The following KIF4A variants were observed in gnomAD, a reference collection of about 807,000 sequenced individuals.
The protein encoded by KIF4A is kinesin family member 4A.
In KIF4A, 7 loss-of-function variants were observed where a neutral mutation model predicts 105.9. That is an observed-to-expected ratio of 0.07 (90% CI 0.04 to 0.12). The LOEUF is 0.12. Among genes scored for constraint, KIF4A ranks in the 10% least tolerant of loss-of-function variants. The pLI is 1.00. For missense variants in KIF4A, 558 were observed against 929.2 expected (o/e 0.60, Z 5.19); for synonymous variants, 281 against 331.3 (o/e 0.85, Z 1.65).
At chrX:70,361,872 A>G (rs751984105) in intron 15 of KIF4A, among the ~76,000 whole-genome samples, 14 of 111,676 alleles carry the variant, frequency 1.3e-4, no homozygotes, top group Admixed American at 2.8e-4. Flanking sequence ...GCTAAGCTTT[A>G]CCCAATTCTG....
chrX:70,337,081 T>G (rs910211491), intron 10 of KIF4A, among the ~76,000 whole-genome samples: 3 of 112,641 alleles, frequency 2.7e-5, no homozygotes, highest in Non-Finnish European at 5.6e-5. Flanking sequence ...CACAATTTCC[T>G]TTGATTTTAA....
At chrX:70,364,423 T>G (rs1375229892) in intron 15 of KIF4A, among the ~76,000 whole-genome samples, 1 of 108,431 alleles carries the variant, frequency 9.2e-6, no homozygotes, top group Non-Finnish European at 1.9e-5. Flanking sequence ...TTGTATAAGG[T>G]GTAAGGAAGG....
At chrX:70,342,761 A>G (rs988296452) in intron 11 of KIF4A, among the ~76,000 whole-genome samples, 9 of 112,158 alleles carry the variant, frequency 8.0e-5, no homozygotes, top group Admixed American at 5.7e-4. Flanking sequence ...GGGGATTTTT[A>G]TATACAGTTT....
chrX:70,309,902 G>A (rs1337432448), intron 7 of KIF4A, among the ~76,000 whole-genome samples: 1 of 111,769 alleles, frequency 8.9e-6, no homozygotes, highest in East Asian at 2.8e-4. Context: ...AATTAGCCAA[G>A]CGTGGTGGCG....
chrX:70,390,899 C>T (rs1177687959), intron 20 of KIF4A, among the ~76,000 whole-genome samples: 1 of 111,646 alleles, frequency 9.0e-6, no homozygotes, highest in Non-Finnish European at 1.9e-5. Flanking sequence ...TAGCATAATT[C>T]GAGATTAATT....
intron 7 of KIF4A, among the ~76,000 whole-genome samples, chrX:70,306,381 G>A (rs1257402228): frequency 9.0e-6 from 1 of 111,612 alleles, no homozygotes; most frequent in East Asian, 2.8e-4. Context: ...GTCAATTTCT[G>A]CAAAAAAGCC....
At position 70,329,514 on chromosome X, in the gene KIF4A, G is replaced by A. The variant is rs186172714; in HGVS notation, c.888G>A (p.Leu296=). 2.5e-6 allele frequency: 3 copies of A among 1,200,855 alleles called. No homozygotes were observed. The highest frequency in any genetic ancestry group is 1.8e-5 in the African/African-American group (1 of 56,956). ...VPYRDSKLTR[L]LQDSLGGNSH... ...ACAGAGATTCCAAGTTGACTCGACT[G>A]CTTCAAGGTAAGCCCAAAGTGCCTC... is the stretch of plus-strand genomic sequence containing the variant. The change falls in exon 8 of 31, where the codon CTG becomes CTA. Residue 296 remains leucine (L), a synonymous_variant. Coordinates refer to ENST00000374403, the MANE Select transcript of KIF4A (RefSeq NM_012310.5).
intron 9 of KIF4A, among the ~76,000 whole-genome samples, chrX:70,331,796 T>C (rs938269213): frequency 8.9e-6 from 1 of 112,488 alleles, no homozygotes; most frequent in African/African-American, 3.2e-5. Flanking sequence ...AGTAACTTGA[T>C]AATTTACATT....
intron 28 of KIF4A, among the ~76,000 whole-genome samples, chrX:70,408,280 T>C (rs941468410): frequency 5.4e-4 from 60 of 111,316 alleles, no homozygotes; most frequent in African/African-American, 1.9e-3. Context: ...GTGGGTACTT[T>C]ATCTTTGCCT....
intron 13 of KIF4A, among the ~76,000 whole-genome samples, chrX:70,351,489 T>G (rs951287334): frequency 8.9e-6 from 1 of 111,886 alleles, no homozygotes; most frequent in Non-Finnish European, 1.9e-5. Context: ...TTCTTATGGT[T>G]GAGTAGTGTT....
In KIF4A at chrX:70,376,209, G is replaced by A. The variant is rs146856765; in HGVS notation, c.2033G>A (p.Arg678Gln). Residue 678 changes from arginine (R) to glutamine (Q), a missense_variant and splice_region_variant, in exon 18 of 31, where the codon CGA becomes CAA. Physicochemically the swap from Arg to Gln is conservative, Grantham distance 43. Transcript: ENST00000374403. Reference sequence around the variant, plus strand: ...AAAGAAGTAATACAGTTAAAAGAACGAGTAAGTAACTAAAACTTCTTGAAG... The same window carrying A: ...AAAGAAGTAATACAGTTAAAAGAACAAGTAAGTAACTAAAACTTCTTGAAG... Reference protein sequence around the residue: ...KDKEVIQLKERDRKRQYELLK... With the variant: ...KDKEVIQLKEQDRKRQYELLK... 6.2e-6 allele frequency: 7 copies of A among 1,126,725 alleles called. No homozygotes were observed. Among genetic ancestry groups the A allele is most frequent in the South Asian group, 1.9e-5 (1 of 53,306 alleles). The allele number at this position is 1,126,725 out of a possible 1,213,427, so 92.9% of individuals were successfully genotyped here. A position where few individuals can be genotyped will look rare whatever the true frequency, so the allele number is the denominator to read the frequency against.
At chrX:70,313,325 A>C (rs1334254194) in intron 7 of KIF4A, among the ~76,000 whole-genome samples, 1 of 112,128 alleles carries the variant, frequency 8.9e-6, no homozygotes, top group Admixed American at 9.5e-5. Context: ...ATCTTACAGA[A>C]ACTTTGTAGC....
At chrX:70,320,177 C>T (rs2085885143) in intron 7 of KIF4A, among the ~76,000 whole-genome samples, 1 of 111,534 alleles carries the variant, frequency 9.0e-6, no homozygotes, top group Non-Finnish European at 1.9e-5. Flanking sequence ...CCATTACCTG[C>T]TGTTAGTTCT....
At chrX:70,401,772 T>TA (rs1452282304) in intron 22 of KIF4A, among the ~76,000 whole-genome samples, 1 of 111,950 alleles carries the variant, frequency 8.9e-6, no homozygotes, top group African/African-American at 3.2e-5. Context: ...CAGAATGTCC[T>TA]AGATGTCTTC....
intron 15 of KIF4A, among the ~76,000 whole-genome samples, chrX:70,360,815 CAGGCTGACCTG>C (rs1441335480): frequency 8.9e-6 from 1 of 112,923 alleles, no homozygotes; most frequent in Non-Finnish European, 1.9e-5. Flanking sequence ...GTTTCAGAAG[CAGGCTGACCTG>C]AGGCTTTCCA....
At chrX:70,290,611 C>T in intron 2 of KIF4A, 33 bp downstream of exon 2, 1 of 1,208,556 alleles carries the variant, frequency 8.3e-7, no homozygotes. Flanking sequence ...TGTGTCTGAA[C>T]AGCTGGGGCC....
In KIF4A at chrX:70,387,257, C is replaced by A; in HGVS notation, c.2192C>A (p.Thr731Asn). The A allele has an allele frequency of 8.4e-7, 1 of 1,187,654 alleles. No individual in the cohort carries two copies. Residue 731 changes from threonine to asparagine, a missense_variant, in exon 20 of 31, where the codon ACT becomes AAT. Thr to Asn is a moderately conservative substitution (Grantham distance 65). Coordinates refer to ENST00000374403, the MANE Select transcript of KIF4A (RefSeq NM_012310.5). Reference sequence around the variant, plus strand: ...GAGGTTGCAGATAAGCGGAAAGAGACTCAGAGCCGTGGAATGGAAGGCACT... The same window carrying A: ...GAGGTTGCAGATAAGCGGAAAGAGAATCAGAGCCGTGGAATGGAAGGCACT... ...QREVADKRKE[T>N]QSRGMEGTAA...
chrX:70,334,288 A>G (rs1246131374), intron 10 of KIF4A, among the ~76,000 whole-genome samples: 1 of 112,207 alleles, frequency 8.9e-6, no homozygotes, highest in East Asian at 2.8e-4. Flanking sequence ...GAGCAGGTAG[A>G]GCTCAGAAAT....
Position 70,328,935 on chromosome X carries a change from T to C in KIF4A, c.779-470T>C, listed in dbSNP as rs781508508. Among the ~76,000 whole-genome samples the C allele has an allele frequency of 4.6e-4, 52 of 111,856 alleles. 1 individual carries two copies. Among genetic ancestry groups the C allele is most frequent in the African/African-American group, 1.7e-3 (51 of 30,873 alleles). ...ACTTGACTAAAATCTTGAGATAGAATCTCAGGCCTACCATTTACTAGCTGT... is the reference window on the plus strand; with the variant it reads ...ACTTGACTAAAATCTTGAGATAGAACCTCAGGCCTACCATTTACTAGCTGT... On this transcript the variant is annotated intron_variant, in intron 7 of 30. Coordinates refer to ENST00000374403, the MANE Select transcript of KIF4A (RefSeq NM_012310.5).
Sources: gnomAD v4.1 joint callset for allele counts (sites outside exome capture counted in the v4.1 genomes callset) on GRCh38, gnomAD v4.1.1 for gene constraint, MANE v1.5 for transcripts, NCBI Gene and HGNC (gene_info 2026-07-23, HGNC 2026-07-21) for gene names.